The following CDYL2 variants were observed in gnomAD, a reference collection of about 807,000 sequenced individuals.
CDYL2 encodes the protein chromodomain Y-like protein 2.
Under a neutral mutation model 49.4 loss-of-function variants are expected in CDYL2, and 23 were observed. That is an observed-to-expected ratio of 0.47 (90% confidence interval 0.34 to 0.66). CDYL2 has a LOEUF of 0.66. Among genes scored for constraint, CDYL2 ranks in the 30% least tolerant of loss-of-function variants. The pLI is 0.01. For synonymous variants in CDYL2, 360 were observed against 268.8 expected (o/e 1.34, Z -3.32); for missense variants, 678 against 656.4 (o/e 1.03, Z -0.36).
At chr16:80,638,140 T>C (rs1047152758) in intron 2 of CDYL2, among the ~76,000 whole-genome samples, 2 of 152,168 alleles carry the variant, frequency 1.3e-5, no homozygotes, top group African/African-American at 4.8e-5. Context: ...AGTGCTGCTA[T>C]CACAGCTCAC....
intron 1 of CDYL2, among the ~76,000 whole-genome samples, chr16:80,781,507 A>T (rs1232586900): frequency 4.6e-5 from 7 of 152,136 alleles, no homozygotes; most frequent in Non-Finnish European, 1.0e-4. Context: ...AAAATAGATG[A>T]CTTGAAGAAC....
intron 1 of CDYL2, among the ~76,000 whole-genome samples, chr16:80,697,216 T>C (rs935450304): frequency 4.6e-5 from 7 of 152,254 alleles, no homozygotes; most frequent in South Asian, 2.1e-4. Flanking sequence ...ATCAACAACA[T>C]AGTACACCAT....
intron 2 of CDYL2, among the ~76,000 whole-genome samples, chr16:80,666,108 G>T (rs1909252207): frequency 6.6e-6 from 1 of 152,180 alleles, no homozygotes; most frequent in Admixed American, 6.5e-5. Context: ...TTTCTGGCAG[G>T]CTTGCTATTC....
rs142381015 is a variant in CDYL2 at position 80,754,314 on chromosome 16, T to C, written c.24+49836A>G. Among the ~76,000 whole-genome samples, 116 of 152,216 alleles carry C rather than the reference T, an allele frequency of 7.6e-4. 1 individual carries two copies. Among genetic ancestry groups the C allele is most frequent in the African/African-American group, 2.8e-3 (115 of 41,526 alleles). ...CAGGTGGACAGAGCCCAAGGAGAGA[T>C]ATCCAGAATATATGGCTTTCTGGGG... On this transcript the variant is annotated intron_variant, in intron 1 of 6. Transcript: ENST00000570137.
intron 3 of CDYL2, among the ~76,000 whole-genome samples, chr16:80,629,892 C>A (rs2142387815): frequency 6.6e-6 from 1 of 152,342 alleles, no homozygotes; most frequent in South Asian, 2.1e-4. Flanking sequence ...TTATTACATA[C>A]CTCCTATATG....
At chr16:80,690,812 C>T (rs996011116) in intron 1 of CDYL2, among the ~76,000 whole-genome samples, 2 of 152,162 alleles carry the variant, frequency 1.3e-5, no homozygotes, top group African/African-American at 4.8e-5. Context: ...CACAGGGCCT[C>T]CTCTCCCTCT....
chr16:80,765,816 G>A (rs185726327), intron 1 of CDYL2, among the ~76,000 whole-genome samples: 1 of 139,138 alleles, frequency 7.2e-6, no homozygotes, highest in Non-Finnish European at 1.5e-5. Flanking sequence ...TGAGGTGGGA[G>A]GATCTCTTGA....
chr16:80,606,124 G>A (rs568814712), intron 6 of CDYL2, among the ~76,000 whole-genome samples: 1 of 152,354 alleles, frequency 6.6e-6, no homozygotes, highest in East Asian at 1.9e-4. Context: ...CAGCAGACTG[G>A]GAGGGGCTGC....
intron 6 of CDYL2, among the ~76,000 whole-genome samples, chr16:80,606,590 C>A (rs902909972): frequency 6.6e-6 from 1 of 152,196 alleles, no homozygotes; most frequent in Non-Finnish European, 1.5e-5. Flanking sequence ...AGAATTTCTA[C>A]CTGTCTCTCC....
At chr16:80,769,129 G>A (rs978886176) in intron 1 of CDYL2, among the ~76,000 whole-genome samples, 1 of 152,158 alleles carries the variant, frequency 6.6e-6, no homozygotes, top group African/African-American at 2.4e-5. Flanking sequence ...ATGGGCTACA[G>A]CCATGCCCAG....
At chr16:80,706,586 G>T (rs1294056132) in intron 1 of CDYL2, among the ~76,000 whole-genome samples, 1 of 152,138 alleles carries the variant, frequency 6.6e-6, no homozygotes, top group East Asian at 1.9e-4. Flanking sequence ...TCACTGAGTT[G>T]CCACCAAGCC....
chr16:80,780,397 CTTTT>C (rs1022730941), intron 1 of CDYL2, among the ~76,000 whole-genome samples: 4 of 105,350 alleles, frequency 3.8e-5, no homozygotes, highest in African/African-American at 7.9e-5. Context: ...TGCACAATAT[CTTTT>C]TTTTTTTTTT....
intron 1 of CDYL2, among the ~76,000 whole-genome samples, chr16:80,734,647 G>C (rs1321395514): frequency 6.6e-6 from 1 of 152,046 alleles, no homozygotes; most frequent in Non-Finnish European, 1.5e-5. Context: ...CATTCAAGGG[G>C]GTTTACTGCA....
At chr16:80,685,851 T>A (rs1006570196) in intron 1 of CDYL2, among the ~76,000 whole-genome samples, 1 of 152,152 alleles carries the variant, frequency 6.6e-6, no homozygotes, top group Non-Finnish European at 1.5e-5. Context: ...CACTAGGCCA[T>A]ACTAACTCTC....
intron 1 of CDYL2, among the ~76,000 whole-genome samples, chr16:80,762,791 T>C (rs1457465311): frequency 3.3e-5 from 5 of 152,160 alleles, no homozygotes; most frequent in South Asian, 2.1e-4. Flanking sequence ...TGAGCTCTCA[T>C]AGGGCAGAGA....
intron 1 of CDYL2, among the ~76,000 whole-genome samples, chr16:80,721,991 AC>A (rs903123224): frequency 1.3e-5 from 2 of 152,110 alleles, no homozygotes; most frequent in African/African-American, 4.8e-5. Context: ...TTCTCAGGAG[AC>A]CCTTCTTTGA....
At chr16:80,686,722 T>C (rs112782608) in intron 1 of CDYL2, among the ~76,000 whole-genome samples, 2 of 152,228 alleles carry the variant, frequency 1.3e-5, no homozygotes, top group Non-Finnish European at 2.9e-5. Context: ...ACAGAGGTCA[T>C]GCAAAATAAT....
chr16:80,762,228 G>C (rs547831683), intron 1 of CDYL2, among the ~76,000 whole-genome samples: 2 of 152,218 alleles, frequency 1.3e-5, no homozygotes, highest in East Asian at 3.9e-4. Context: ...TACATCTATT[G>C]TCCAGAAGCG....
chr16:80,633,155 T>C lies in CDYL2; in HGVS notation c.698A>G (p.Asp233Gly). ...GCGGACACTGTATCTGAGCCTTTTG[T>C]CAAAGACGTAGTCCTTCTCCGCTTC... is the stretch of plus-strand genomic sequence containing the variant. ...KLEAEKDYVF[D>G]KRLRYSVRQN... The change falls in exon 3 of 7, where the codon GAC (aspartate) becomes GGC (glycine). Residue 233 changes from aspartate (D) to glycine (G), a missense_variant. By Grantham distance (94) the Asp-to-Gly change is moderately conservative. Transcript: ENST00000570137. 1 of 1,614,204 alleles carries C rather than the reference T, an allele frequency of 6.2e-7. No individual in the cohort carries two copies. Among genetic ancestry groups the C allele is most frequent in the Non-Finnish European group, 8.5e-7 (1 of 1,180,042 alleles).
Sources: allele counts gnomAD v4.1 joint callset (sites outside exome capture counted in the v4.1 genomes callset), GRCh38; gene constraint gnomAD v4.1.1; transcripts MANE v1.5; gene names NCBI Gene and HGNC (gene_info 2026-07-23, HGNC 2026-07-21).